The following LUZP1 variants were observed in gnomAD, a reference collection of about 807,000 sequenced individuals.
The protein encoded by LUZP1 is leucine zipper protein 1.
In LUZP1, 25 loss-of-function variants were observed where a neutral mutation model predicts 71.3. The observed-to-expected ratio is 0.35, with a 90% confidence interval of 0.26 to 0.49. The LOEUF (loss-of-function observed/expected upper bound fraction) is 0.49, where lower values mean the gene tolerates loss of function less well. LUZP1 is among the 20% of genes least tolerant of loss of function. The probability of loss-of-function intolerance (pLI) is 0.99; values close to 1 mark genes in which losing one functional copy is unlikely to be tolerated. For missense variants in LUZP1, 1,142 were observed against 1,300.8 expected (o/e 0.88, Z 1.88); for synonymous variants, 481 against 506.4 (o/e 0.95, Z 0.67).
chr1:23,106,957 T>G (rs1488302231), intron 3 of LUZP1, among the ~76,000 whole-genome samples: 2 of 152,228 alleles, frequency 1.3e-5, no homozygotes, highest in Non-Finnish European at 2.9e-5. Flanking sequence ...AGGTGTCACA[T>G]GGCTGTAAGG....
chr1:23,105,741 T>C (rs1312346604), intron 3 of LUZP1, among the ~76,000 whole-genome samples: 1 of 152,190 alleles, frequency 6.6e-6, no homozygotes, highest in Non-Finnish European at 1.5e-5. Context: ...TATATCTTCA[T>C]CCAAATTGAT....
At chr1:23,166,226 T>C (rs889338490) in intron 2 of LUZP1, among the ~76,000 whole-genome samples, 1 of 152,250 alleles carries the variant, frequency 6.6e-6, no homozygotes, top group Admixed American at 6.5e-5. Flanking sequence ...CCCAAGGCAG[T>C]GGGCAAAGTA....
At chr1:23,160,855 A>T (rs1370263051) in intron 2 of LUZP1, among the ~76,000 whole-genome samples, 3 of 152,224 alleles carry the variant, frequency 2.0e-5, no homozygotes, top group Non-Finnish European at 4.4e-5. Context: ...CTGAGAAAAT[A>T]AGAAGCTTTT....
chr1:23,166,453 G>A lies in LUZP1; in HGVS notation c.-226+2313C>T, dbSNP rs187563818. Among the ~76,000 whole-genome samples, 553 of 152,054 alleles carry A rather than the reference G, an allele frequency of 3.6e-3. 1 individual carries two copies. Among genetic ancestry groups the A allele is most frequent in the African/African-American group, 0.012 (510 of 41,474 alleles). On this transcript the variant is annotated intron_variant, in intron 2 of 4. Transcript: ENST00000302291. ...GCAGATCACTTGAGGTCAGGAGTTC[G>A]AAACCAACCCGGCCAACATGGTGAA... is the stretch of plus-strand genomic sequence containing the variant.
At chr1:23,092,270 G>A (rs151118743) in exon 4 of LUZP1, 7 of 1,614,056 alleles carry the variant, frequency 4.3e-6, no homozygotes, top group African/African-American at 4.0e-5. Context: ...GAGATGCTAT[G>A]TCCAAGTCAT....
chr1:23,130,979 A>T (rs1483691598), intron 2 of LUZP1, among the ~76,000 whole-genome samples: 1 of 151,952 alleles, frequency 6.6e-6, no homozygotes, highest in African/African-American at 2.4e-5. Context: ...GCACTTTGGG[A>T]GGCAGAGGTG....
chr1:23,092,828 G>C (rs151240560), exon 4 of LUZP1: 161 of 1,613,894 alleles, frequency 1.0e-4, no homozygotes, highest in Admixed American at 3.5e-4. Context: ...GAGCAGCCGG[G>C]GGGTAGCGAC....
chr1:23,166,148 T>C (rs1237938551), intron 2 of LUZP1, among the ~76,000 whole-genome samples: 1 of 151,412 alleles, frequency 6.6e-6, no homozygotes, highest in Non-Finnish European at 1.5e-5. Flanking sequence ...TAGACTTAAA[T>C]GACTTATTCT....
At chr1:23,096,416 A>C (rs1294572488) in intron 3 of LUZP1, among the ~76,000 whole-genome samples, 1 of 152,204 alleles carries the variant, frequency 6.6e-6, no homozygotes, top group East Asian at 1.9e-4. Flanking sequence ...CAGAATAGGG[A>C]ACAGGCAATA....
intron 2 of LUZP1, among the ~76,000 whole-genome samples, chr1:23,160,851 A>T (rs1446710367): frequency 1.3e-5 from 2 of 152,222 alleles, no homozygotes; most frequent in African/African-American, 4.8e-5. Flanking sequence ...ATTTCTGAGA[A>T]AATAAGAAGC....
exon 5 of LUZP1, chr1:23,088,556 G>A (rs753266249): frequency 3.5e-5 from 7 of 199,166 alleles, no homozygotes; most frequent in Non-Finnish European, 6.1e-5. Context: ...AACCCACCAA[G>A]GAGCCGAGAA....
At chr1:23,164,807 T>C (rs911350483) in intron 2 of LUZP1, among the ~76,000 whole-genome samples, 2 of 152,228 alleles carry the variant, frequency 1.3e-5, no homozygotes, top group African/African-American at 4.8e-5. Flanking sequence ...GGCAAGGCCT[T>C]CAACCACTTT....
chr1:23,157,383 A>T (rs938780619), intron 2 of LUZP1, among the ~76,000 whole-genome samples: 1 of 152,218 alleles, frequency 6.6e-6, no homozygotes, highest in Non-Finnish European at 1.5e-5. Context: ...TTGTTTTTAA[A>T]AAGCCGTCCT....
chr1:23,123,785 G>C (rs998965749), intron 2 of LUZP1, among the ~76,000 whole-genome samples: 1 of 152,058 alleles, frequency 6.6e-6, no homozygotes, highest in Non-Finnish European at 1.5e-5. Context: ...TCTGTGCTTT[G>C]CAACAGCACC....
At chr1:23,152,623 T>C (rs1644393103) in intron 2 of LUZP1, among the ~76,000 whole-genome samples, 1 of 152,098 alleles carries the variant, frequency 6.6e-6, no homozygotes, top group Admixed American at 6.6e-5. Flanking sequence ...CTCTGCCCCC[T>C]GGGTTCAAGC....
rs1170202386 is a variant in LUZP1 at position 23,126,389 on chromosome 1, AG to A, written c.-225-17263del. 2.6e-5 allele frequency among the ~76,000 whole-genome samples: 4 copies of A among 152,328 alleles called. No homozygotes were observed. The East Asian group carries it at 7.7e-4, about 29-fold the overall frequency. ...TCCCAGTACATTGGGAGGATAAGGC[AG>A]GAGGATCAGCTGAGCCCAGGAGTTT... On this transcript the variant is annotated intron_variant, in intron 2 of 4. Coordinates refer to ENST00000302291, the Ensembl canonical transcript of LUZP1.
At chr1:23,117,261 T>C (rs1644086921) in intron 2 of LUZP1, among the ~76,000 whole-genome samples, 1 of 152,166 alleles carries the variant, frequency 6.6e-6, no homozygotes, top group Non-Finnish European at 1.5e-5. Context: ...CATATTACTT[T>C]AAGTGATTAA....
At chr1:23,162,058 T>G (rs1222275644) in intron 2 of LUZP1, among the ~76,000 whole-genome samples, 3 of 148,564 alleles carry the variant, frequency 2.0e-5, no homozygotes, top group Admixed American at 6.7e-5. Context: ...AAGCTGAAAT[T>G]TGAATTTTAT....
At chr1:23,153,968 T>C (rs1172535581) in intron 2 of LUZP1, among the ~76,000 whole-genome samples, 4 of 152,014 alleles carry the variant, frequency 2.6e-5, no homozygotes, top group Non-Finnish European at 1.5e-5. Flanking sequence ...CTATAATACA[T>C]CTATACAATA....
Sources: gnomAD v4.1 joint callset for allele counts (sites outside exome capture counted in the v4.1 genomes callset) on GRCh38, gnomAD v4.1.1 for gene constraint, MANE v1.5 for transcripts, NCBI Gene and HGNC (gene_info 2026-07-23, HGNC 2026-07-21) for gene names.